Variants in SYTL2 observed in about 807,000 individuals in gnomAD.
SYTL2 encodes the protein synaptotagmin-like protein 2.
In SYTL2, 165 loss-of-function variants were observed where a neutral mutation model predicts 198.7. That is an observed-to-expected ratio of 0.83 (90% CI 0.73 to 0.94). The LOEUF (loss-of-function observed/expected upper bound fraction) is 0.94, where lower values mean the gene tolerates loss of function less well. Ranked by LOEUF, SYTL2 falls within the 40% of genes least tolerant of loss-of-function variation. The probability of loss-of-function intolerance (pLI) is 0.00; values close to 1 mark genes in which losing one functional copy is unlikely to be tolerated. For missense variants in SYTL2, 2,835 were observed against 2,582.8 expected (o/e 1.10, Z -2.12); for synonymous variants, 966 against 917.7 (o/e 1.05, Z -0.95).
the SYTL2 span, among the ~76,000 whole-genome samples, chr11:85,843,213 A>G: frequency 3.8e-3 from 582 of 152,074 alleles, 3 homozygotes; most frequent in African/African-American, 0.013. Context: ...GTCTGTAATA[A>G]AAACACAAAT....
At chr11:85,710,565 T>C (rs928819864) in intron 13 of SYTL2, among the ~76,000 whole-genome samples, 3 of 152,242 alleles carry the variant, frequency 2.0e-5, no homozygotes, top group African/African-American at 7.2e-5. Context: ...CTTCACCTTA[T>C]GCAAGAAGTT....
intron 7 of SYTL2, among the ~76,000 whole-genome samples, chr11:85,729,197 C>T (rs1331492867): frequency 2.0e-5 from 3 of 152,164 alleles, no homozygotes; most frequent in Non-Finnish European, 4.4e-5. Context: ...AGAAAATTAA[C>T]AAGGATATTC....
At position 85,805,938 on chromosome 11, in the gene SYTL2, C is replaced by G. The variant is rs549689668; in HGVS notation, c.-390+5016G>C. ...AGAAAGTATAAGATTAGGAAATGCT[C>G]TTATTTTGGCCTTCTTTTATCTCAA... On this transcript the variant is annotated intron_variant, in intron 1 of 19. Transcript: ENST00000359152. Among the ~76,000 whole-genome samples, 220 of 152,246 alleles carry G rather than the reference C, an allele frequency of 1.4e-3. 2 individuals are homozygous for G. Among genetic ancestry groups the G allele is most frequent in the Non-Finnish European group, 8.8e-5 (6 of 68,012 alleles).
In SYTL2 at chr11:85,712,864, G is replaced by A. The variant is rs975062990; in HGVS notation, c.5625+1549C>T. ...CTCAAGTAGCTGGGATTATAGACATGAGCCACCATGCCCGGCTAATTTTTT... is the reference window on the plus strand; with the variant it reads ...CTCAAGTAGCTGGGATTATAGACATAAGCCACCATGCCCGGCTAATTTTTT... On this transcript the variant is annotated intron_variant, in intron 12 of 19. Transcript: ENST00000359152. 2.0e-5 allele frequency among the ~76,000 whole-genome samples: 3 copies of A among 152,008 alleles called. No homozygotes were observed. The South Asian group carries it at 6.2e-4, about 32-fold the overall frequency.
intron 3 of SYTL2, 103 bp downstream of exon 3, chr11:85,748,169 T>A: frequency 7.6e-7 from 1 of 1,308,902 alleles, no homozygotes; most frequent in South Asian, 1.3e-5. Context: ...AAAGTGTACA[T>A]CCAAATGATT....
chr11:85,733,298 T>C (rs897787976), intron 7 of SYTL2, among the ~76,000 whole-genome samples: 1 of 152,248 alleles, frequency 6.6e-6, no homozygotes, highest in Non-Finnish European at 1.5e-5. Flanking sequence ...TATTAGCTAA[T>C]GAAAGGAAGT....
the SYTL2 span, among the ~76,000 whole-genome samples, chr11:85,846,881 T>G: frequency 6.6e-6 from 1 of 151,530 alleles, no homozygotes; most frequent in Admixed American, 6.6e-5. Context: ...TTTACAGGCA[T>G]GCACCACCAC....
At position 85,698,096 on chromosome 11, in the gene SYTL2, G is replaced by C. The variant is rs1235859626; in HGVS notation, c.6269-18C>G. On this transcript the variant is annotated intron_variant, in intron 17 of 19. Transcript: ENST00000359152. ...CTTTTTACCTACAATAGAAAAAGAA[G>C]AGAAAATTTTCACTGCCAGTTCTCC... The C allele has an allele frequency of 2.5e-6, 4 of 1,585,178 alleles. No homozygotes were observed. In the Admixed American group the frequency reaches 5.1e-5, roughly 20 times the overall value.
the SYTL2 span, among the ~76,000 whole-genome samples, chr11:85,851,747 T>C: frequency 1.3e-5 from 2 of 152,242 alleles, no homozygotes; most frequent in African/African-American, 4.8e-5. Flanking sequence ...TTAAAACAAA[T>C]GATGTGGGAA....
chr11:85,783,359 T>A (rs2092591669), intron 1 of SYTL2, among the ~76,000 whole-genome samples: 1 of 152,058 alleles, frequency 6.6e-6, no homozygotes. Flanking sequence ...ATGATTCAAT[T>A]ACCTCCCATC....
chr11:85,734,974 CACTATTAT>C (rs1186803701), intron 6 of SYTL2, among the ~76,000 whole-genome samples: 2 of 152,158 alleles, frequency 1.3e-5, no homozygotes, highest in African/African-American at 4.8e-5. Flanking sequence ...GGTGGCCGCA[CACTATTAT>C]ACTTTTGTCT....
chr11:85,704,580 C>A (rs894854296), intron 16 of SYTL2, among the ~76,000 whole-genome samples: 3 of 152,114 alleles, frequency 2.0e-5, no homozygotes, highest in Non-Finnish European at 4.4e-5. Context: ...ACACATGGAA[C>A]ATTTATCAAA....
chr11:85,804,977 G>T (rs1175991225), intron 1 of SYTL2, among the ~76,000 whole-genome samples: 1 of 152,280 alleles, frequency 6.6e-6, no homozygotes, highest in Non-Finnish European at 1.5e-5. Flanking sequence ...ACCCAGCACA[G>T]CATCTCAATC....
intron 4 of SYTL2, among the ~76,000 whole-genome samples, chr11:85,738,906 C>G (rs1044301525): frequency 6.6e-6 from 1 of 152,134 alleles, no homozygotes; most frequent in African/African-American, 2.4e-5. Flanking sequence ...GTGTCTATAT[C>G]CTTCTCCCTC....
intron 1 of SYTL2, among the ~76,000 whole-genome samples, chr11:85,810,341 A>G (rs2093015240): frequency 6.6e-6 from 1 of 152,094 alleles, no homozygotes; most frequent in Non-Finnish European, 1.5e-5. Flanking sequence ...GGGTGCAGAG[A>G]AAGAGAGACC....
the SYTL2 span, among the ~76,000 whole-genome samples, chr11:85,838,115 C>A: frequency 1.3e-5 from 2 of 152,210 alleles, no homozygotes; most frequent in African/African-American, 2.4e-5. Flanking sequence ...TTAAGAACCA[C>A]TGTTAAGCCT....
intron 1 of SYTL2, among the ~76,000 whole-genome samples, chr11:85,794,269 C>T (rs1483251622): frequency 1.3e-5 from 2 of 152,128 alleles, no homozygotes; most frequent in Non-Finnish European, 1.5e-5. Flanking sequence ...ACTTCAAACT[C>T]CTGGGTTTAA....
chr11:85,706,038 A>G (rs1232082542), intron 15 of SYTL2, among the ~76,000 whole-genome samples: 1 of 152,222 alleles, frequency 6.6e-6, no homozygotes, highest in African/African-American at 2.4e-5. Flanking sequence ...TCTGTTAGTC[A>G]TGACTAAGGC....
Position 85,725,992 on chromosome 11 carries a change from A to G in SYTL2, c.3366T>C (p.Asn1122=). The part of the protein sequence containing the change: ...QEIQESIIKT[N]VLSKDCKDTF... ...TGTCTTTGCAGTCTTTAGACAAAAC[A>G]TTGGTTTTTATTATGGATTCTTGAA... is the stretch of plus-strand genomic sequence containing the variant. Residue 1122 remains asparagine (N), a synonymous_variant, in exon 8 of 20, where the codon AAT becomes AAC. Coordinates refer to ENST00000359152, the MANE Select transcript of SYTL2 (RefSeq NM_206927.4). 1 of 1,613,830 alleles carries G rather than the reference A, an allele frequency of 6.2e-7. No homozygotes were observed. The highest frequency in any genetic ancestry group is 1.3e-5 in the African/African-American group (1 of 75,030).
Sources: gnomAD v4.1 joint callset for allele counts (sites outside exome capture counted in the v4.1 genomes callset) on GRCh38, gnomAD v4.1.1 for gene constraint, MANE v1.5 for transcripts, NCBI Gene and HGNC (gene_info 2026-07-23, HGNC 2026-07-21) for gene names.